SVEP1: variants seen among roughly 807,000 people sequenced by gnomAD.
SVEP1 encodes the protein sushi, von Willebrand factor type A, EGF and pentraxin domain-containing protein 1.
In SVEP1, 164 loss-of-function variants were observed where a neutral mutation model predicts 367.3. The observed-to-expected ratio is 0.45, with a 90% CI of 0.39 to 0.51. SVEP1 has a LOEUF of 0.51. SVEP1 is among the 20% of genes least tolerant of loss of function. SVEP1 has a pLI of 0.00. For missense variants in SVEP1, 4,117 were observed against 4,425.3 expected (o/e 0.93, Z 1.98); for synonymous variants, 1,666 against 1,611.6 (o/e 1.03, Z -0.81).
chr9:110,453,635 G>C (rs1308891786), intron 22 of SVEP1, among the ~76,000 whole-genome samples: 2 of 152,044 alleles, frequency 1.3e-5, no homozygotes, highest in Non-Finnish European at 2.9e-5. Context: ...TGGGAGGCTG[G>C]AGTGGGTGGA....
At chr9:110,544,074 G>A (rs1158955798) in intron 3 of SVEP1, among the ~76,000 whole-genome samples, 1 of 151,942 alleles carries the variant, frequency 6.6e-6, no homozygotes, top group Non-Finnish European at 1.5e-5. Context: ...GAGGAAGCAG[G>A]AAAAATTAAG....
intron 1 of SVEP1, among the ~76,000 whole-genome samples, chr9:110,550,363 C>A (rs1019140554): frequency 6.6e-6 from 1 of 152,110 alleles, no homozygotes; most frequent in Non-Finnish European, 1.5e-5. Context: ...TAATGAAGTA[C>A]AACAAACACT....
chr9:110,378,909 TAA>T (rs35912753), intron 44 of SVEP1, among the ~76,000 whole-genome samples: 20 of 145,506 alleles, frequency 1.4e-4, no homozygotes, highest in South Asian at 2.2e-4. Context: ...CTTAAAGTAT[TAA>T]AAAAAAAAAA....
intron 46 of SVEP1, among the ~76,000 whole-genome samples, chr9:110,370,565 A>G (rs553679690): frequency 6.6e-6 from 1 of 152,300 alleles, no homozygotes; most frequent in East Asian, 1.9e-4. Context: ...TTTGGAGAGG[A>G]GACATATTTC....
At chr9:110,460,878 A>G (rs1432886727) in intron 18 of SVEP1, among the ~76,000 whole-genome samples, 13 of 152,216 alleles carry the variant, frequency 8.5e-5, no homozygotes, top group Admixed American at 2.6e-4. Context: ...TTTGATGACA[A>G]AGCTTTATTA....
chr9:110,505,043 C>T (rs919714876), intron 5 of SVEP1, among the ~76,000 whole-genome samples: 7 of 152,156 alleles, frequency 4.6e-5, no homozygotes, highest in Admixed American at 3.3e-4. Context: ...ATGCTGAAAA[C>T]GCCCCCGTAC....
intron 3 of SVEP1, among the ~76,000 whole-genome samples, chr9:110,535,883 C>T (rs980925489): frequency 6.6e-6 from 1 of 152,042 alleles, no homozygotes; most frequent in African/African-American, 2.4e-5. Flanking sequence ...ATAGGGTTTT[C>T]TAGATATGGA....
chr9:110,367,586 G>A (rs751340825), intron 47 of SVEP1, among the ~76,000 whole-genome samples: 13 of 152,054 alleles, frequency 8.5e-5, no homozygotes, highest in Non-Finnish European at 1.5e-4. Context: ...TTTCTTCTGG[G>A]AATTGCCAGA....
At chr9:110,376,695 G>T (rs576224773) in intron 45 of SVEP1, 1 of 152,168 alleles carries the variant, frequency 6.6e-6, no homozygotes, top group Non-Finnish European at 1.5e-5. Context: ...TTGAAATAAA[G>T]TGTAGTTGAG....
At chr9:110,565,856 G>A (rs980282246) in intron 1 of SVEP1, among the ~76,000 whole-genome samples, 2 of 151,830 alleles carry the variant, frequency 1.3e-5, no homozygotes, top group Non-Finnish European at 2.9e-5. Context: ...TACTAGATCT[G>A]ACAACATGAC....
intron 14 of SVEP1, among the ~76,000 whole-genome samples, chr9:110,473,418 A>T (rs12006458): frequency 0.016 from 2,374 of 151,656 alleles, 72 homozygotes; most frequent in African/African-American, 0.054. Context: ...ATACACACAG[A>T]TATACATTTA....
chr9:110,396,961 G>A (rs2118986686), intron 40 of SVEP1, among the ~76,000 whole-genome samples: 2 of 151,678 alleles, frequency 1.3e-5, no homozygotes, highest in African/African-American at 4.8e-5. Context: ...CCAATCAACA[G>A]AAAAAGAGGG....
intron 40 of SVEP1, among the ~76,000 whole-genome samples, chr9:110,399,792 C>T (rs1277809315): frequency 6.6e-6 from 1 of 152,152 alleles, no homozygotes; most frequent in African/African-American, 2.4e-5. Flanking sequence ...CCTTGGCTTT[C>T]CAAAGTGCTG....
chr9:110,500,845 A>G (rs915075617), intron 6 of SVEP1, among the ~76,000 whole-genome samples: 2 of 151,946 alleles, frequency 1.3e-5, no homozygotes, highest in East Asian at 1.9e-4. Context: ...TCTATTTACT[A>G]TTCCTATTGC....
chr9:110,405,073 T>C (rs1453636276), intron 38 of SVEP1, among the ~76,000 whole-genome samples: 1 of 152,124 alleles, frequency 6.6e-6, no homozygotes, highest in African/African-American at 2.4e-5. Flanking sequence ...CAGTTCTCAG[T>C]TATCCACATG....
intron 40 of SVEP1, among the ~76,000 whole-genome samples, chr9:110,394,700 C>G (rs1827728862): frequency 6.6e-6 from 1 of 152,058 alleles, no homozygotes; most frequent in Non-Finnish European, 1.5e-5. Flanking sequence ...AACTACGTGA[C>G]CAGTGCAGAA....
chr9:110,413,617 A>C (rs1350086123), intron 36 of SVEP1, among the ~76,000 whole-genome samples: 1 of 152,032 alleles, frequency 6.6e-6, no homozygotes, highest in Non-Finnish European at 1.5e-5. Context: ...AATTTTTCTT[A>C]GTAATTCCCA....
intron 40 of SVEP1, among the ~76,000 whole-genome samples, chr9:110,390,087 A>AAG: frequency 7.2e-6 from 1 of 139,008 alleles, no homozygotes; most frequent in Non-Finnish European, 1.5e-5. Flanking sequence ...ACGTGTATAT[A>AAG]TACACATACA....
intron 8 of SVEP1, among the ~76,000 whole-genome samples, chr9:110,491,207 G>A (rs2118728524): frequency 6.6e-6 from 1 of 151,602 alleles, no homozygotes; most frequent in Admixed American, 6.6e-5. Flanking sequence ...AGAACCAGTT[G>A]TTTCTTATTA....
Sources: gnomAD v4.1 joint callset for allele counts (sites outside exome capture counted in the v4.1 genomes callset) on GRCh38, gnomAD v4.1.1 for gene constraint, MANE v1.5 for transcripts, NCBI Gene and HGNC (gene_info 2026-07-23, HGNC 2026-07-21) for gene names.